RTN4RL1: variants seen among roughly 807,000 people sequenced by gnomAD.
RTN4RL1 encodes reticulon-4 receptor-like 1.
Under a neutral mutation model 25.6 loss-of-function variants are expected in RTN4RL1, and 7 were observed. The ratio of observed to expected loss-of-function variants is 0.27; its 90% CI spans 0.16 to 0.51. The LOEUF (loss-of-function observed/expected upper bound fraction) is 0.51, where lower values mean the gene tolerates loss of function less well. RTN4RL1 is among the 20% of genes least tolerant of loss of function. The pLI, the probability that RTN4RL1 is intolerant of heterozygous loss-of-function variation, is 0.97. For missense variants in RTN4RL1, 500 were observed against 615.6 expected, an observed-to-expected ratio of 0.81 and a Z score of 1.99; for synonymous variants, 297 against 288.2, an observed-to-expected ratio of 1.03 and a Z score of -0.31.
At chr17:1,966,396 C>A (rs987472814) in intron 1 of RTN4RL1, among the ~76,000 whole-genome samples, 3 of 152,130 alleles carry the variant, frequency 2.0e-5, no homozygotes, top group Non-Finnish European at 4.4e-5. Flanking sequence ...GCTGGGCAGG[C>A]AGAAGATGCT....
At chr17:1,989,612 C>T (rs931036227) in intron 1 of RTN4RL1, among the ~76,000 whole-genome samples, 5 of 151,942 alleles carry the variant, frequency 3.3e-5, no homozygotes, top group Admixed American at 1.3e-4. Context: ...GTTGCTCTGT[C>T]GCCCAGGCTG....
intron 1 of RTN4RL1, among the ~76,000 whole-genome samples, chr17:1,984,594 T>A (rs2066880198): frequency 6.6e-6 from 1 of 152,196 alleles, no homozygotes; most frequent in Non-Finnish European, 1.5e-5. Flanking sequence ...GTTCTCAAAC[T>A]TCCTCCCAAC....
intron 1 of RTN4RL1, among the ~76,000 whole-genome samples, chr17:1,966,796 C>T (rs955941425): frequency 4.6e-5 from 7 of 152,154 alleles, no homozygotes; most frequent in African/African-American, 1.4e-4. Context: ...CCTGGTTTAA[C>T]ATTTTACCTA....
At chr17:1,970,011 CTCTCTCTCTTT>C (rs2066810990) in intron 1 of RTN4RL1, among the ~76,000 whole-genome samples, 1 of 127,098 alleles carries the variant, frequency 7.9e-6, no homozygotes, top group Non-Finnish European at 1.6e-5. Flanking sequence ...GATTTCTGCT[CTCTCTCTCTTT>C]TTTTTTTTTT....
In RTN4RL1 at chr17:2,024,468, T is replaced by C. The variant is rs567509598; in HGVS notation, c.13+385A>G. Among the ~76,000 whole-genome samples the C allele has an allele frequency of 6.3e-3, 948 of 151,430 alleles. 12 individuals are homozygous for C. The highest frequency in any genetic ancestry group is 0.028 in the Middle Eastern group (8 of 286). ...ACGGGGGCGCCGTGCGGACTCGGCCTCCACAAAGCGGCAGAAGCAAGGGCG... is the reference window on the plus strand; with the variant it reads ...ACGGGGGCGCCGTGCGGACTCGGCCCCCACAAAGCGGCAGAAGCAAGGGCG... On this transcript the variant is annotated intron_variant, in intron 1 of 1. Transcript: ENST00000331238.
chr17:1,948,675 A>C (rs982098315), intron 1 of RTN4RL1, among the ~76,000 whole-genome samples: 1 of 141,268 alleles, frequency 7.1e-6, no homozygotes, highest in African/African-American at 2.6e-5. Context: ...TTAGTGGGGC[A>C]GGGGTTACCT....
intron 1 of RTN4RL1, among the ~76,000 whole-genome samples, chr17:1,982,842 G>A (rs1324430897): frequency 1.3e-5 from 2 of 152,176 alleles, no homozygotes; most frequent in African/African-American, 4.8e-5. Flanking sequence ...TGAGCAGGAG[G>A]TAAAGCGAAC....
At chr17:2,023,118 G>C (rs978330113) in intron 1 of RTN4RL1, among the ~76,000 whole-genome samples, 1 of 152,216 alleles carries the variant, frequency 6.6e-6, no homozygotes, top group Non-Finnish European at 1.5e-5. Context: ...TGAGATGTCA[G>C]TTCCTCTCCA....
intron 1 of RTN4RL1, among the ~76,000 whole-genome samples, chr17:1,947,124 G>A (rs755563579): frequency 6.7e-6 from 1 of 149,480 alleles, no homozygotes; most frequent in African/African-American, 2.5e-5. Context: ...CGGGGTCTGT[G>A]TGTGTCTATG....
intron 1 of RTN4RL1, among the ~76,000 whole-genome samples, chr17:2,024,046 C>A (rs2067244115): frequency 6.6e-6 from 1 of 152,172 alleles, no homozygotes; most frequent in Non-Finnish European, 1.5e-5. Flanking sequence ...CCTGCCCTCC[C>A]AGGGCCCGGG....
intron 1 of RTN4RL1, among the ~76,000 whole-genome samples, chr17:2,007,210 C>T (rs1047915390): frequency 6.6e-6 from 1 of 152,010 alleles, no homozygotes; most frequent in Non-Finnish European, 1.5e-5. Flanking sequence ...TCCTCATACT[C>T]CAGCCACAGT....
intron 1 of RTN4RL1, among the ~76,000 whole-genome samples, chr17:1,954,353 TTTCCC>T (rs1268334804): frequency 1.3e-5 from 2 of 151,564 alleles, no homozygotes; most frequent in South Asian, 2.1e-4. Context: ...TTTCCTTTCC[TTTCCC>T]TTCCCTTCCT....
Position 1,990,907 on chromosome 17 carries a change from A to G in RTN4RL1, c.13+33946T>C, listed in dbSNP as rs112621443. Among the ~76,000 whole-genome samples the G allele has an allele frequency of 9.0e-4, 137 of 152,256 alleles. 4 individuals carry two copies. Among genetic ancestry groups the G allele is most frequent in the African/African-American group, 3.1e-3 (128 of 41,552 alleles). On this transcript the variant is annotated intron_variant, in intron 1 of 1. Coordinates refer to ENST00000331238, the MANE Select transcript of RTN4RL1 (RefSeq NM_178568.4). ...CTCCAAGAGAGGAGACGGTGTGCACACAGCCCTGCACCCACCCTTTCCTGC... is the reference window on the plus strand; with the variant it reads ...CTCCAAGAGAGGAGACGGTGTGCACGCAGCCCTGCACCCACCCTTTCCTGC...
intron 1 of RTN4RL1, among the ~76,000 whole-genome samples, chr17:2,000,786 C>T (rs535626738): frequency 1.3e-5 from 2 of 152,082 alleles, no homozygotes; most frequent in African/African-American, 2.4e-5. Context: ...TCCCGAAGTA[C>T]GGGGATTACA....
intron 1 of RTN4RL1, among the ~76,000 whole-genome samples, chr17:1,970,909 C>T (rs2066815744): frequency 6.6e-6 from 1 of 150,968 alleles, no homozygotes; most frequent in African/African-American, 2.4e-5. Context: ...TGTAGGAGAC[C>T]CTCTCCCTAG....
chr17:1,951,927 T>C (rs1257751484), intron 1 of RTN4RL1, among the ~76,000 whole-genome samples: 2 of 152,020 alleles, frequency 1.3e-5, no homozygotes, highest in South Asian at 2.1e-4. Context: ...GAAGATCGAA[T>C]GTGAGTGAGG....
rs1597244718 is a variant in RTN4RL1 at position 2,009,870 on chromosome 17, G to A, written c.13+14983C>T. On this transcript the variant is annotated intron_variant, in intron 1 of 1. Transcript: ENST00000331238. ...TCCACAGGCCACAACACAGAATGCC[G>A]GCCCTGTCCACAGCCCCAGCCACGG... 2.3e-5 allele frequency among the ~76,000 whole-genome samples: 3 copies of A among 128,352 alleles called. 1 individual carries two copies. Among genetic ancestry groups the A allele is most frequent in the South Asian group, 5.6e-4 (2 of 3,570 alleles). 84.2% of individuals were successfully genotyped at this position (128,352 alleles called of 152,430 possible). A position where few individuals can be genotyped will look rare whatever the true frequency, so the allele number is the denominator to read the frequency against.
In RTN4RL1 at chr17:1,998,094, A is replaced by G. The variant is rs1323599990; in HGVS notation, c.13+26759T>C. ...CCGGCCTCTCCCGGCCTCATTACCG[A>G]GGGAGAGCTGCCGGGGCTGGCAGGG... On this transcript the variant is annotated intron_variant, in intron 1 of 1. Coordinates refer to ENST00000331238, the MANE Select transcript of RTN4RL1 (RefSeq NM_178568.4). The surrounding 1 kb of genome is among the most constrained non-coding windows in gnomAD (Gnocchi z 4.9). 6.6e-6 allele frequency among the ~76,000 whole-genome samples: 1 copy of G among 151,044 alleles called. No individual in the cohort carries two copies. The highest frequency in any genetic ancestry group is 1.5e-5 in the Non-Finnish European group (1 of 67,620).
At chr17:2,017,005 C>T (rs1055428315) in intron 1 of RTN4RL1, among the ~76,000 whole-genome samples, 2 of 152,224 alleles carry the variant, frequency 1.3e-5, no homozygotes, top group Non-Finnish European at 2.9e-5. Flanking sequence ...TTGCCTTGTG[C>T]GCTTCTCACT....
Sources: gnomAD v4.1 joint callset for allele counts (sites outside exome capture counted in the v4.1 genomes callset) on GRCh38, gnomAD v4.1.1 for gene constraint, Gnocchi (gnomAD v3.1) non-coding constraint, MANE v1.5 for transcripts, NCBI Gene and HGNC (gene_info 2026-07-23, HGNC 2026-07-21) for gene names.